LRIG2: variants seen among roughly 807,000 people sequenced by gnomAD.
LRIG2 encodes leucine rich repeats and immunoglobulin like domains 2, also known as leucine-rich repeats and immunoglobulin-like domains protein 2.
LRIG2 carries 93 observed loss-of-function variants against 107.8 expected under a neutral mutation model. The observed-to-expected ratio is 0.86, with a 90% CI of 0.73 to 1.03. The LOEUF is 1.03. Among genes scored for constraint, LRIG2 ranks in the 50% least tolerant of loss-of-function variants. The pLI is 0.00. For missense variants in LRIG2, 1,226 were observed against 1,296.0 expected (o/e 0.95, Z 0.83); for synonymous variants, 471 against 470.6 (o/e 1.00, Z -0.01).
intron 4 of LRIG2, among the ~76,000 whole-genome samples, chr1:113,094,094 T>C (rs1325996555): frequency 1.3e-5 from 2 of 152,232 alleles, no homozygotes; most frequent in Non-Finnish European, 2.9e-5. Context: ...ATAATTAGCA[T>C]GTGTGCCAGT....
At chr1:113,075,103 G>T (rs1652910491) in intron 1 of LRIG2, among the ~76,000 whole-genome samples, 2 of 151,080 alleles carry the variant, frequency 1.3e-5, no homozygotes, top group Non-Finnish European at 2.9e-5. Flanking sequence ...TGTAATACTA[G>T]CTACACCCTG....
intron 17 of LRIG2, among the ~76,000 whole-genome samples, chr1:113,122,371 G>A (rs1394150223): frequency 2.0e-5 from 3 of 152,136 alleles, no homozygotes; most frequent in Non-Finnish European, 2.9e-5. Context: ...ACAGGCATGA[G>A]CCACTGCACC....
chr1:113,099,116 T>C lies in LRIG2; in HGVS notation c.1172+331T>C, dbSNP rs537742377. ...CATGCCCAGCTAATTTTTGTATTTT[T>C]AGTAGAGACAGGGTTTCACCATCTT... On this transcript the variant is annotated intron_variant, in intron 9 of 17. Transcript: ENST00000361127. Among the ~76,000 whole-genome samples the C allele has an allele frequency of 9.2e-5, 14 of 152,202 alleles. No homozygotes were observed. In the East Asian group the frequency reaches 2.7e-3, roughly 29 times the overall value.
Position 113,114,463 on chromosome 1 carries a change from C to T in LRIG2, c.2117C>T (p.Thr706Ile). 1 of 1,612,896 alleles carries T rather than the reference C, an allele frequency of 6.2e-7. No homozygotes were observed. Among genetic ancestry groups the T allele is most frequent in the Non-Finnish European group, 8.5e-7 (1 of 1,179,582 alleles). ...TTTATTAGACCCCTGGAGGATAAGA[C>T]AGTAACACGAGGTGAAACTGCGGTG... ...PSFIRPLEDK[T>I]VTRGETAVLQ... is the part of the protein sequence containing the mutation. The change falls in exon 15 of 18, where the codon ACA (threonine) becomes ATA (isoleucine). Residue 706 changes from threonine (T) to isoleucine (I), a missense_variant. Transcript: ENST00000361127.
At chr1:113,074,545 A>G (rs749571674) in intron 1 of LRIG2, among the ~76,000 whole-genome samples, 9 of 152,174 alleles carry the variant, frequency 5.9e-5, no homozygotes, top group Non-Finnish European at 1.3e-4. Context: ...ACTAACATAC[A>G]GTTATTTCTC....
chr1:113,116,863 A>G lies in LRIG2; in HGVS notation c.2680+427A>G, dbSNP rs796427263. Reference sequence around the variant, plus strand: ...GGCATGGTGGCATGCCTGTAGTCCCATCTACCCACGAGGCTGAAGCAGGAT... The same window carrying G: ...GGCATGGTGGCATGCCTGTAGTCCCGTCTACCCACGAGGCTGAAGCAGGAT... On this transcript the variant is annotated intron_variant, in intron 16 of 17. Coordinates refer to ENST00000361127, the MANE Select transcript of LRIG2 (RefSeq NM_014813.3). 3.3e-5 allele frequency among the ~76,000 whole-genome samples: 5 copies of G among 152,298 alleles called. No individual in the cohort carries two copies. In the East Asian group the frequency reaches 7.7e-4, roughly 23 times the overall value.
At chr1:113,109,256 G>C (rs1654669691) in intron 12 of LRIG2, among the ~76,000 whole-genome samples, 1 of 152,138 alleles carries the variant, frequency 6.6e-6, no homozygotes, top group South Asian at 2.1e-4. Context: ...ATCCAGTGGA[G>C]ATACTGGTTA....
chr1:113,102,947 C>T (rs1027452856), intron 11 of LRIG2, among the ~76,000 whole-genome samples: 28 of 152,028 alleles, frequency 1.8e-4, no homozygotes, highest in Admixed American at 1.8e-3. Flanking sequence ...AGTTATTTCT[C>T]ATAGGCTTAG....
intron 1 of LRIG2, among the ~76,000 whole-genome samples, chr1:113,083,250 C>T (rs1379576769): frequency 6.9e-6 from 1 of 145,138 alleles, no homozygotes; most frequent in African/African-American, 2.6e-5. Context: ...TATGGAGTCT[C>T]CCAGGTCTGG....
chr1:113,074,745 A>G (rs1305801849), intron 1 of LRIG2, among the ~76,000 whole-genome samples: 1 of 151,564 alleles, frequency 6.6e-6, no homozygotes, highest in Non-Finnish European at 1.5e-5. Flanking sequence ...CGTCTCTACT[A>G]AAAATACAAA....
intron 1 of LRIG2, among the ~76,000 whole-genome samples, chr1:113,085,375 C>G (rs1019956198): frequency 2.0e-5 from 3 of 152,170 alleles, no homozygotes; most frequent in Admixed American, 6.5e-5. Context: ...CCTCCGCCTC[C>G]CGGGTTCAAG....
intron 17 of LRIG2, 148 bp from the exon 18 acceptor site, chr1:113,123,727 T>G (rs909721524): frequency 2.3e-5 from 14 of 597,094 alleles, no homozygotes; most frequent in African/African-American, 2.1e-4. Context: ...GTGGTGGTTT[T>G]TGTGTGTGTG....
intron 7 of LRIG2, 74 bp downstream of exon 7, chr1:113,096,091 G>A: frequency 1.3e-6 from 2 of 1,593,856 alleles, no homozygotes; most frequent in Non-Finnish European, 1.7e-6. Context: ...CCCATGGGCA[G>A]TAATGAGATG....
At chr1:113,090,678 A>T (rs953928569) in intron 1 of LRIG2, among the ~76,000 whole-genome samples, 1 of 151,400 alleles carries the variant, frequency 6.6e-6, no homozygotes. Context: ...TCTACTAAAA[A>T]TACAAAAAAA....
intron 14 of LRIG2, 93 bp downstream of exon 14, chr1:113,112,853 C>A: frequency 8.4e-7 from 1 of 1,186,932 alleles, no homozygotes; most frequent in Non-Finnish European, 1.2e-6. Flanking sequence ...TTTGAGATTA[C>A]CTCTGTGATT....
At chr1:113,075,931 A>T (rs576672551) in intron 1 of LRIG2, among the ~76,000 whole-genome samples, 1 of 151,570 alleles carries the variant, frequency 6.6e-6, no homozygotes, top group Admixed American at 6.6e-5. Flanking sequence ...TCCTGATGTC[A>T]GGTGATCCAC....
intron 17 of LRIG2, among the ~76,000 whole-genome samples, chr1:113,123,408 C>T (rs547220317): frequency 6.6e-6 from 1 of 152,192 alleles, no homozygotes; most frequent in East Asian, 1.9e-4. Flanking sequence ...ACTCCTGTCT[C>T]TACTAAATAT....
chr1:113,114,311 C>T (rs1032678231), intron 14 of LRIG2, 116 bp from the exon 15 acceptor site: 2 of 634,784 alleles, frequency 3.2e-6, no homozygotes, highest in Admixed American at 3.1e-5. Flanking sequence ...CTAATCCTCC[C>T]ATGAGTATAT....
chr1:113,079,677 A>C (rs568491215), intron 1 of LRIG2, among the ~76,000 whole-genome samples: 48 of 149,556 alleles, frequency 3.2e-4, no homozygotes, highest in African/African-American at 1.0e-3. Context: ...ATCTCAAAAA[A>C]AAAAAAGAAA....
Sources: allele counts gnomAD v4.1 joint callset (sites outside exome capture counted in the v4.1 genomes callset), GRCh38; gene constraint gnomAD v4.1.1; transcripts MANE v1.5; gene names NCBI Gene and HGNC (gene_info 2026-07-23, HGNC 2026-07-21).